The following LTN1 variants were observed in gnomAD, a reference collection of about 807,000 sequenced individuals.
LTN1 encodes listerin E3 ubiquitin protein ligase 1.
LTN1 carries 88 observed loss-of-function variants against 201.2 expected under a neutral mutation model. That is an observed-to-expected ratio of 0.44 (90% confidence interval 0.37 to 0.52). The LOEUF is 0.52. Among genes scored for constraint, LTN1 ranks in the 20% least tolerant of loss-of-function variants. The pLI, the probability that LTN1 is intolerant of heterozygous loss-of-function variation, is 0.00. For missense variants in LTN1, 1,752 were observed against 2,038.7 expected, an observed-to-expected ratio of 0.86 and a Z score of 2.71; for synonymous variants, 645 against 713.5, an observed-to-expected ratio of 0.90 and a Z score of 1.53.
At chr21:28,951,357 A>T (rs1287140817) in intron 18 of LTN1, among the ~76,000 whole-genome samples, 2 of 152,214 alleles carry the variant, frequency 1.3e-5, no homozygotes, top group East Asian at 3.8e-4. Flanking sequence ...GCTAAGTATT[A>T]ATTTGAATGC....
chr21:28,951,458 G>T (rs1483783216), intron 18 of LTN1, among the ~76,000 whole-genome samples: 1 of 152,068 alleles, frequency 6.6e-6, no homozygotes, highest in East Asian at 1.9e-4. Context: ...ATTTCAATAG[G>T]ATGATGTTAT....
In LTN1 at chr21:28,932,676, C is replaced by G; in HGVS notation, c.4876-12G>C. 6.3e-7 allele frequency: 1 copy of G among 1,578,980 alleles called. No individual in the cohort carries two copies. On this transcript the variant is annotated splice_polypyrimidine_tract_variant and intron_variant, in intron 27 of 29. Transcript: ENST00000361371. ...GCTCGAGCTTTAACCTGCAATACAACAAAGGATATTTTGTTTGCCAAATTT... is the reference window on the plus strand; with the variant it reads ...GCTCGAGCTTTAACCTGCAATACAAGAAAGGATATTTTGTTTGCCAAATTT...
chr21:28,937,333 A>G (rs1409754379), intron 25 of LTN1, among the ~76,000 whole-genome samples: 1 of 152,162 alleles, frequency 6.6e-6, no homozygotes, highest in Non-Finnish European at 1.5e-5. Context: ...AATTTCTACT[A>G]TATCACATAT....
intron 22 of LTN1, 67 bp downstream of exon 22, chr21:28,944,316 G>A: frequency 6.6e-6 from 8 of 1,214,664 alleles, no homozygotes; most frequent in Middle Eastern, 2.0e-4. Context: ...CAAAATTTTT[G>A]CTTTTGAATT....
At chr21:28,973,512 T>C (rs899829875) in intron 6 of LTN1, among the ~76,000 whole-genome samples, 11 of 152,074 alleles carry the variant, frequency 7.2e-5, no homozygotes, top group Non-Finnish European at 1.3e-4. Context: ...GTATATTTTA[T>C]ATAAAATATT....
At position 28,936,500 on chromosome 21, in the gene LTN1, A is replaced by G. The variant is rs777686420; in HGVS notation, c.4654+26T>C. The G allele has an allele frequency of 3.2e-6, 5 of 1,562,434 alleles. No individual in the cohort carries two copies. In the Admixed American group the frequency reaches 5.4e-5, roughly 17 times the overall value. ...CTAGTCTGAATCTAGTGTCCAAGAA[A>G]GAACATAAACACATATCTTACTGAC... is the stretch of plus-strand genomic sequence containing the variant. On this transcript the variant is annotated intron_variant, in intron 26 of 29. Transcript: ENST00000361371.
intron 25 of LTN1, among the ~76,000 whole-genome samples, chr21:28,940,346 C>A (rs777806613): frequency 2.0e-5 from 3 of 152,168 alleles, no homozygotes; most frequent in Non-Finnish European, 2.9e-5. Context: ...TCTTCTTGGA[C>A]AAGGTCTTAC....
intron 4 of LTN1, among the ~76,000 whole-genome samples, chr21:28,984,409 T>G (rs1213920689): frequency 1.3e-5 from 2 of 152,096 alleles, no homozygotes; most frequent in Admixed American, 1.3e-4. Flanking sequence ...ATATATTACT[T>G]GTTTAGATTA....
intron 25 of LTN1, among the ~76,000 whole-genome samples, 194 bp downstream of exon 25, chr21:28,941,026 G>A (rs527591511): frequency 2.0e-5 from 3 of 152,250 alleles, no homozygotes; most frequent in Non-Finnish European, 2.9e-5. Flanking sequence ...GCAGTGAGCC[G>A]AGATTGTGCC....
At chr21:28,932,761 C>A in intron 27 of LTN1, 97 bp from the exon 28 acceptor site, 1 of 769,306 alleles carries the variant, frequency 1.3e-6, no homozygotes, top group Non-Finnish European at 2.2e-6. Flanking sequence ...AGACTTCATT[C>A]AAGGACAGTG....
chr21:28,941,275 C>T lies in LTN1; in HGVS notation c.4427G>A (p.Gly1476Glu). ...TATTAATTTCCAAGTGAGAAGGTATCCCAGAACATAACAGAAGTCTTCACT... is the reference window on the plus strand; with the variant it reads ...TATTAATTTCCAAGTGAGAAGGTATTCCAGAACATAACAGAAGTCTTCACT... ...PLSEDFCYVL[G>E]YLLTWKLILT... is the part of the protein sequence containing the mutation. The change falls in exon 25 of 30, where the codon GGA becomes GAA. Residue 1476 changes from glycine (G) to glutamate (E), a missense_variant. Physicochemically the swap from Gly to Glu is moderately conservative, Grantham distance 98. Around this residue, in one of 3 missense-constraint regions of LTN1, gnomAD observed 261 missense variants for 350.1 expected, o/e 0.75. Transcript: ENST00000361371. 6.2e-7 allele frequency: 1 copy of T among 1,613,222 alleles called. No individual in the cohort carries two copies.
At position 28,944,442 on chromosome 21, in the gene LTN1, T is replaced by C. The variant is rs776765891; in HGVS notation, c.3923A>G (p.Lys1308Arg). The C allele has an allele frequency of 1.9e-6, 3 of 1,614,030 alleles. No individual in the cohort carries two copies. The East Asian group carries it at 6.7e-5, about 36-fold the overall frequency. Reference sequence around the variant, plus strand: ...GTGGATGCCTTGGGAAAAAAATTCTTTCCATTCACTGATTAGATTTACAGG... The same window carrying C: ...GTGGATGCCTTGGGAAAAAAATTCTCTCCATTCACTGATTAGATTTACAGG... ...NLPVNLISEW[K>R]EFFSQGIHSL... is the part of the protein sequence containing the mutation. Residue 1308 changes from lysine (K) to arginine (R), a missense_variant, in exon 22 of 30, where the codon AAA becomes AGA. By Grantham distance (26) the Lys-to-Arg change is conservative (BLOSUM62 2). Coordinates refer to ENST00000361371, the MANE Select transcript of LTN1 (RefSeq NM_015565.3).
At chr21:28,946,552 T>C (rs1181484197) in intron 19 of LTN1, among the ~76,000 whole-genome samples, 2 of 152,218 alleles carry the variant, frequency 1.3e-5, no homozygotes, top group South Asian at 2.1e-4. Context: ...AACTGACTTA[T>C]GCTGTTTTTG....
At chr21:28,977,528 G>A (rs150845003) in intron 6 of LTN1, among the ~76,000 whole-genome samples, 1 of 152,076 alleles carries the variant, frequency 6.6e-6, no homozygotes, top group East Asian at 1.9e-4. Flanking sequence ...TTTGAGACCA[G>A]CCTGCCCAAC....
In LTN1 at chr21:28,986,905, G is replaced by T. The variant is rs368555953; in HGVS notation, c.72C>A (p.Leu24=). 4 of 1,614,042 alleles carry T rather than the reference G, an allele frequency of 2.5e-6. No homozygotes were observed. Among genetic ancestry groups the T allele is most frequent in the African/African-American group, 2.7e-5 (2 of 74,924 alleles). The change falls in exon 2 of 30, where the codon CTC becomes CTA. Residue 24 remains leucine, a synonymous_variant. Coordinates refer to ENST00000361371, the MANE Select transcript of LTN1 (RefSeq NM_015565.3). The surrounding 1 kb of genome is among the most constrained non-coding windows in gnomAD (Gnocchi z 4.1). ...GCACTGTTCCCTGTTCTTTGGCAAG[G>T]AGTTCTGCAGCTCGGCCACTGTTTG... The part of the protein sequence containing the change: ...RPSNSGRAAE[L]LAKEQGTVPG...
At chr21:28,979,458 A>G (rs2084641537) in intron 6 of LTN1, among the ~76,000 whole-genome samples, 1 of 152,228 alleles carries the variant, frequency 6.6e-6, no homozygotes. Flanking sequence ...ACTACAAGGC[A>G]GTTAGAAGTC....
At position 28,943,731 on chromosome 21, in the gene LTN1, A is replaced by G; in HGVS notation, c.4156T>C (p.Leu1386=). Residue 1386 remains leucine (L), a synonymous_variant, in exon 23 of 30, where the codon TTG becomes CTG. Transcript: ENST00000361371. ...PEYLQTLLNT[L]APLLLFRARP... is the part of the protein sequence containing the mutation. ...GCTCTGAAGAGGAGTAATGGGGCCA[A>G]TGTATTTAACAAAGTCTGGAGATAT... The G allele has an allele frequency of 1.5e-5, 24 of 1,613,916 alleles. No individual in the cohort carries two copies. The highest frequency in any genetic ancestry group is 1.9e-5 in the Non-Finnish European group (23 of 1,179,874).
At position 28,967,196 on chromosome 21, in the gene LTN1, A is replaced by G; in HGVS notation, c.1312-17T>C. ...AGGGATCAACTGAAAGAAAAGGTAGAATATCATAAAATATATATTTGGTCT... is the reference window on the plus strand; with the variant it reads ...AGGGATCAACTGAAAGAAAAGGTAGGATATCATAAAATATATATTTGGTCT... On this transcript the variant is annotated splice_polypyrimidine_tract_variant and intron_variant, in intron 9 of 29. Transcript: ENST00000361371. 6.5e-7 allele frequency: 1 copy of G among 1,540,038 alleles called. No individual in the cohort carries two copies. Among genetic ancestry groups the G allele is most frequent in the Non-Finnish European group, 8.8e-7 (1 of 1,130,548 alleles).
At position 28,970,747 on chromosome 21, in the gene LTN1, C is replaced by T. The variant is rs200445812; in HGVS notation, c.985-5G>A. On this transcript the variant is annotated splice_region_variant and splice_polypyrimidine_tract_variant and intron_variant, in intron 7 of 29. Transcript: ENST00000361371. ...ATTTACATGAAGCCAACAGTCCTAACCAAACAAAAGATTATAGTAGTAATT... is the reference window on the plus strand; with the variant it reads ...ATTTACATGAAGCCAACAGTCCTAATCAAACAAAAGATTATAGTAGTAATT... 30 of 1,607,710 alleles carry T rather than the reference C, an allele frequency of 1.9e-5. No homozygotes were observed. In the East Asian group the frequency reaches 3.1e-4, roughly 17 times the overall value.
Sources: gnomAD v4.1 joint callset for allele counts (sites outside exome capture counted in the v4.1 genomes callset) on GRCh38, gnomAD v4.1.1 for gene constraint, gnomAD v4.1.1 regional missense constraint, Gnocchi (gnomAD v3.1) non-coding constraint, MANE v1.5 for transcripts, NCBI Gene and HGNC (gene_info 2026-07-23, HGNC 2026-07-21) for gene names.